The following PIK3R1 variants were observed in gnomAD, a reference collection of about 807,000 sequenced individuals.
PIK3R1 encodes phosphatidylinositol 3-kinase regulatory subunit alpha.
In PIK3R1, 29 loss-of-function variants were observed where a neutral mutation model predicts 98.0. The ratio of observed to expected loss-of-function variants is 0.30; its 90% CI spans 0.22 to 0.40. The LOEUF (loss-of-function observed/expected upper bound fraction) is 0.40, where lower values mean the gene tolerates loss of function less well. Ranked by LOEUF, PIK3R1 falls within the 10% of genes least tolerant of loss-of-function variation. The pLI is 1.00. For missense variants in PIK3R1, 596 were observed against 872.7 expected (o/e 0.68, Z 3.99); for synonymous variants, 282 against 311.8 (o/e 0.90, Z 1.01).
chr5:68,269,845 A>G (rs756662332), intron 2 of PIK3R1, among the ~76,000 whole-genome samples: 26 of 151,774 alleles, frequency 1.7e-4, no homozygotes, highest in Non-Finnish European at 3.7e-4. Flanking sequence ...ACTCGCAGAC[A>G]TTTTGTACTA....
Position 68,226,690 on chromosome 5 carries a change from G to T in PIK3R1, c.15G>T (p.Gly5=). The change falls in exon 2 of 16, where the codon GGG becomes GGT. Residue 5 remains glycine (G), a synonymous_variant. Transcript: ENST00000521381. ...GATTTGCAAACATGAGTGCTGAGGG[G>T]TACCAGTACAGAGCGCTGTATGATT... The part of the protein sequence containing the change: MSAE[G]YQYRALYDYK... The T allele has an allele frequency of 6.2e-7, 1 of 1,613,590 alleles. No individual in the cohort carries two copies. The highest frequency in any genetic ancestry group is 8.5e-7 in the Non-Finnish European group (1 of 1,179,824).
chr5:68,234,275 G>A (rs890816662), intron 2 of PIK3R1, among the ~76,000 whole-genome samples: 13 of 152,066 alleles, frequency 8.5e-5, no homozygotes, highest in African/African-American at 2.7e-4. Flanking sequence ...AAGAACTGTC[G>A]GAGAAATAAG....
intron 1 of PIK3R1, among the ~76,000 whole-genome samples, chr5:68,216,305 C>T (rs1369912599): frequency 6.6e-6 from 1 of 152,222 alleles, no homozygotes; most frequent in Non-Finnish European, 1.5e-5. Context: ...CGGAGGGTCC[C>T]CGCTGTCGCC....
intron 7 of PIK3R1, among the ~76,000 whole-genome samples, chr5:68,286,739 A>G (rs1247332554): frequency 6.6e-6 from 1 of 152,208 alleles, no homozygotes; most frequent in Non-Finnish European, 1.5e-5. Context: ...TTCTTCTGAA[A>G]CAGAAAATAT....
chr5:68,296,073 C>G, intron 14 of PIK3R1, 98 bp from the exon 15 acceptor site: 1 of 1,190,138 alleles, frequency 8.4e-7, no homozygotes, highest in South Asian at 1.4e-5. Context: ...TGGTAGGGGC[C>G]AGGAGGGAAG....
rs1294561736 is a variant in PIK3R1, at chr5:68,299,881, C to T, written c.*2280C>T. ...ACTGATCTGACCATTTCCCTCTCATCGCCAGACAACTGACGATTTCCCTGG... is the reference window on the plus strand; with the variant it reads ...ACTGATCTGACCATTTCCCTCTCATTGCCAGACAACTGACGATTTCCCTGG... On this transcript the variant is annotated 3_prime_UTR_variant, in exon 16 of 16. Transcript: ENST00000521381. 2 of 233,066 alleles carry T rather than the reference C, an allele frequency of 8.6e-6. No individual in the cohort carries two copies. Among genetic ancestry groups the T allele is most frequent in the Admixed American group, 1.1e-4 (2 of 17,782 alleles). The allele number at this position is 233,066 out of a possible 1,614,324, so 14.4% of individuals were successfully genotyped here. A position where few individuals can be genotyped will look rare whatever the true frequency, so the allele number is the denominator to read the frequency against.
intron 2 of PIK3R1, among the ~76,000 whole-genome samples, chr5:68,241,386 TTG>T (rs370707909): frequency 1.4e-4 from 8 of 58,076 alleles, no homozygotes; most frequent in Non-Finnish European, 2.4e-4. Context: ...ACAATTTTTT[TTG>T]TTTTTTTTTT....
At chr5:68,220,618 C>T (rs1264755438) in intron 1 of PIK3R1, among the ~76,000 whole-genome samples, 1 of 152,162 alleles carries the variant, frequency 6.6e-6, no homozygotes, top group East Asian at 1.9e-4. Flanking sequence ...CTTGTGCTAC[C>T]TGTTCTCCTC....
intron 7 of PIK3R1, chr5:68,291,071 CCA>C: frequency 2.6e-6 from 1 of 389,724 alleles, no homozygotes. Flanking sequence ...GAATTGAACT[CCA>C]GTTTTTCACT....
At chr5:68,290,215 A>C (rs565027927) in intron 7 of PIK3R1, among the ~76,000 whole-genome samples, 1 of 152,336 alleles carries the variant, frequency 6.6e-6, no homozygotes, top group African/African-American at 2.4e-5. Flanking sequence ...TCTCTTATAC[A>C]TGAGAGATAT....
intron 4 of PIK3R1, among the ~76,000 whole-genome samples, chr5:68,276,735 G>A (rs552493108): frequency 4.6e-5 from 7 of 152,350 alleles, no homozygotes; most frequent in African/African-American, 1.7e-4. Context: ...GTTACCCAAA[G>A]ACCTGCATAG....
At chr5:68,280,793 T>C in intron 6 of PIK3R1, 64 bp downstream of exon 6, 2 of 1,420,580 alleles carry the variant, frequency 1.4e-6, no homozygotes, top group South Asian at 1.2e-5. Flanking sequence ...GGATTGGTCA[T>C]GAAAATGTAT....
At chr5:68,262,900 TATACATGTAG>T (rs368082651) in intron 2 of PIK3R1, among the ~76,000 whole-genome samples, 6 of 79,122 alleles carry the variant, frequency 7.6e-5, no homozygotes, top group East Asian at 3.8e-4. Flanking sequence ...TGTATACATA[TATACATGTAG>T]ATACATGTAG....
In PIK3R1 at chr5:68,292,658, C is replaced by G. The variant is rs1747458924; in HGVS notation, c.1019+297C>G. The G allele has an allele frequency of 3.8e-6, 5 of 1,326,864 alleles. No homozygotes were observed. The Admixed American group carries it at 1.6e-4, about 42-fold the overall frequency. The allele number at this position is 1,326,864 out of a possible 1,614,324, so 82.2% of individuals were successfully genotyped here. On this transcript the variant is annotated intron_variant, in intron 8 of 15. Transcript: ENST00000521381. ...GGCACTCTATCTATTAAGCACAACT[C>G]TAAGAATTCTTGCCTTAAACACAAT...
At chr5:68,263,358 T>TA (rs1745990017) in intron 2 of PIK3R1, among the ~76,000 whole-genome samples, 2 of 151,484 alleles carry the variant, frequency 1.3e-5, no homozygotes, top group Non-Finnish European at 2.9e-5. Flanking sequence ...ATAACTATAG[T>TA]ACTATTTATT....
At position 68,218,794 on chromosome 5, in the gene PIK3R1, TGAAGCCCTGGAA is replaced by T. The variant is rs1421462043; in HGVS notation, c.-387+2848_-387+2859del. 5.9e-5 allele frequency among the ~76,000 whole-genome samples: 9 copies of T among 152,364 alleles called. No individual in the cohort carries two copies. In the East Asian group the frequency reaches 1.7e-3, roughly 29 times the overall value. On this transcript the variant is annotated intron_variant, in intron 1 of 15. Transcript: ENST00000521381. The stretch of plus-strand genomic sequence containing the variant: ...AAGGCAAGAGAATGAAGCATTTTAA[TGAAGCCCTGGAA>T]GACTAGAAAGTTAGTTATCAATGGA...
chr5:68,223,844 C>T (rs780268655), intron 1 of PIK3R1, among the ~76,000 whole-genome samples: 1 of 152,188 alleles, frequency 6.6e-6, no homozygotes, highest in African/African-American at 2.4e-5. Context: ...AATACAGAGC[C>T]CCCTGGCAAG....
rs5868527 is a variant in PIK3R1, at chr5:68,252,372, C to CAA, written c.335-21007_335-21006dup. Among the ~76,000 whole-genome samples the CAA allele has an allele frequency of 3.2e-3, 467 of 146,618 alleles. 4 individuals are homozygous for CAA. The highest frequency in any genetic ancestry group is 0.014 in the South Asian group (64 of 4,654). ...GTTGCTGGTGAGATTACTGAATTTA[C>CAA]AAAAAAAAAAAAGTGGGGGGATCAG... is the stretch of plus-strand genomic sequence containing the variant. On this transcript the variant is annotated intron_variant, in intron 2 of 15. Coordinates refer to ENST00000521381, the MANE Select transcript of PIK3R1 (RefSeq NM_181523.3).
intron 1 of PIK3R1, among the ~76,000 whole-genome samples, chr5:68,223,514 A>G (rs1465296824): frequency 6.6e-6 from 1 of 152,170 alleles, no homozygotes; most frequent in Non-Finnish European, 1.5e-5. Flanking sequence ...CTCAGAAGAC[A>G]GAAATGGTGT....
Sources: gnomAD v4.1 joint callset for allele counts (sites outside exome capture counted in the v4.1 genomes callset) on GRCh38, gnomAD v4.1.1 for gene constraint, MANE v1.5 for transcripts, NCBI Gene and HGNC (gene_info 2026-07-23, HGNC 2026-07-21) for gene names.